The following SLC22A24 variants were observed in gnomAD, a reference collection of about 807,000 sequenced individuals.
SLC22A24 encodes the protein solute carrier family 22 member 24.
Under a neutral mutation model 49.8 loss-of-function variants are expected in SLC22A24, and 53 were observed. The observed-to-expected ratio is 1.06, with a 90% CI of 0.85 to 1.34. SLC22A24 has a LOEUF of 1.34. SLC22A24 is among the 40% of genes most tolerant of loss of function. SLC22A24 has a pLI of 0.00. For missense variants in SLC22A24, 786 were observed against 675.9 expected, an observed-to-expected ratio of 1.16 and a Z score of -1.81; for synonymous variants, 302 against 256.4, an observed-to-expected ratio of 1.18 and a Z score of -1.70.
intron 7 of SLC22A24, 46 bp downstream of exon 7, chr11:63,083,197 G>A (rs1203785985): frequency 3.4e-5 from 50 of 1,464,842 alleles, no homozygotes; most frequent in Non-Finnish European, 4.5e-5. Flanking sequence ...AATCCCTGGA[G>A]AATGGGGGTA....
At chr11:63,130,371 G>A (rs1160013754) in intron 2 of SLC22A24, among the ~76,000 whole-genome samples, 2 of 151,988 alleles carry the variant, frequency 1.3e-5, no homozygotes, top group Admixed American at 6.6e-5. Context: ...TGCTGGATTC[G>A]GTTTGCTAAT....
intron 2 of SLC22A24, among the ~76,000 whole-genome samples, chr11:63,127,654 T>G (rs1374281411): frequency 6.6e-6 from 1 of 152,182 alleles, no homozygotes; most frequent in African/African-American, 2.4e-5. Context: ...TTTCCTGACT[T>G]TTTAATCACT....
chr11:63,101,847 C>G (rs536887139), intron 5 of SLC22A24, among the ~76,000 whole-genome samples: 5 of 152,128 alleles, frequency 3.3e-5, no homozygotes, highest in African/African-American at 1.2e-4. Context: ...GAAAGATGAA[C>G]TTTTCATGTT....
chr11:63,095,349 A>G (rs952598619), intron 6 of SLC22A24, among the ~76,000 whole-genome samples: 6 of 152,184 alleles, frequency 3.9e-5, no homozygotes, highest in African/African-American at 9.6e-5. Flanking sequence ...GAATAGACAG[A>G]TAACTTATGG....
At chr11:63,125,352 C>A (rs2087282723) in intron 2 of SLC22A24, among the ~76,000 whole-genome samples, 1 of 152,082 alleles carries the variant, frequency 6.6e-6, no homozygotes, top group Non-Finnish European at 1.5e-5. Flanking sequence ...GTTCCCCTCC[C>A]TGTGTCCATG....
chr11:63,095,135 A>G (rs1182340046), intron 6 of SLC22A24, among the ~76,000 whole-genome samples: 5 of 152,310 alleles, frequency 3.3e-5, no homozygotes, highest in Non-Finnish European at 7.3e-5. Flanking sequence ...TAAGTCTTTA[A>G]TCCATCTTGA....
At position 63,109,132 on chromosome 11, in the gene SLC22A24, T is replaced by C. The variant is rs181857581; in HGVS notation, c.831-4834A>G. Among the ~76,000 whole-genome samples, 1,414 of 151,170 alleles carry C rather than the reference T, an allele frequency of 9.4e-3. 32 individuals are homozygous for C. The highest frequency in any genetic ancestry group is 0.033 in the African/African-American group (1,344 of 41,240). Reference sequence around the variant, plus strand: ...TGTTCTTGCGATAATTTACTGAGAATGATGATTTCCAGTTTCATCCATGTT... The same window carrying C: ...TGTTCTTGCGATAATTTACTGAGAACGATGATTTCCAGTTTCATCCATGTT... On this transcript the variant is annotated intron_variant, in intron 4 of 9. Coordinates refer to ENST00000612278, the MANE Select transcript of SLC22A24 (RefSeq NM_001136506.2).
intron 5 of SLC22A24, among the ~76,000 whole-genome samples, chr11:63,103,653 C>T (rs992229421): frequency 1.3e-5 from 2 of 152,020 alleles, no homozygotes; most frequent in African/African-American, 2.4e-5. Context: ...ATATTAGTAC[C>T]CCTGATGAAG....
intron 5 of SLC22A24, 149 bp from the exon 6 acceptor site, chr11:63,096,255 A>G: frequency 3.5e-6 from 2 of 572,240 alleles, no homozygotes; most frequent in South Asian, 2.3e-5. Context: ...TAAATAATTC[A>G]TCTCATGTGT....
intron 5 of SLC22A24, 68 bp from the exon 6 acceptor site, chr11:63,096,174 A>G: frequency 3.0e-6 from 3 of 1,005,604 alleles, no homozygotes; most frequent in Non-Finnish European, 4.6e-6. Flanking sequence ...AGTGGTAAGT[A>G]CTAGAGAACA....
At chr11:63,120,598 G>T (rs2087244831) in intron 2 of SLC22A24, among the ~76,000 whole-genome samples, 1 of 152,034 alleles carries the variant, frequency 6.6e-6, no homozygotes, top group African/African-American at 2.4e-5. Flanking sequence ...AAATAGAAAA[G>T]AGCAGTATGT....
chr11:63,116,875 A>G (rs891371444), intron 4 of SLC22A24, among the ~76,000 whole-genome samples: 1 of 152,044 alleles, frequency 6.6e-6, no homozygotes, highest in Non-Finnish European at 1.5e-5. Context: ...CCATCCAATA[A>G]ATTTTCACTT....
chr11:63,092,731 A>G (rs775726790), intron 6 of SLC22A24, among the ~76,000 whole-genome samples: 2 of 151,502 alleles, frequency 1.3e-5, no homozygotes, highest in African/African-American at 2.4e-5. Flanking sequence ...CCCCAAAACC[A>G]TAAAAACTCT....
At chr11:63,116,181 C>T in intron 4 of SLC22A24, 1 of 395,414 alleles carries the variant, frequency 2.5e-6, no homozygotes, top group Non-Finnish European at 4.5e-6. Context: ...CTTCTTTAGG[C>T]CCTTCTTGAT....
intron 1 of SLC22A24, among the ~76,000 whole-genome samples, chr11:63,135,912 A>G (rs2087370821): frequency 6.6e-6 from 1 of 152,174 alleles, no homozygotes; most frequent in Admixed American, 6.5e-5. Flanking sequence ...GGAAGTCAAC[A>G]ATGACCAGTT....
intron 1 of SLC22A24, 24 bp from the exon 2 acceptor site, chr11:63,134,792 A>T (rs749429333): frequency 2.0e-6 from 3 of 1,495,964 alleles, no homozygotes; most frequent in Non-Finnish European, 1.8e-6. Flanking sequence ...AAAGCAGTAC[A>T]GCAGAGCTTG....
chr11:63,105,103 A>T (rs6591739), intron 4 of SLC22A24, among the ~76,000 whole-genome samples: 2 of 152,152 alleles, frequency 1.3e-5, no homozygotes, highest in Admixed American at 6.5e-5. Context: ...CCTTGATTCC[A>T]TGTCTCAAAT....
intron 5 of SLC22A24, among the ~76,000 whole-genome samples, chr11:63,101,993 G>A (rs927723407): frequency 4.6e-5 from 7 of 152,056 alleles, no homozygotes; most frequent in Non-Finnish European, 8.8e-5. Flanking sequence ...CGAAAATATA[G>A]TTAGATAAAT....
chr11:63,092,400 A>T (rs1565324577), intron 6 of SLC22A24, among the ~76,000 whole-genome samples: 2 of 146,096 alleles, frequency 1.4e-5, no homozygotes, highest in South Asian at 2.3e-4. Context: ...AGAAAAAACT[A>T]GTTCAAATTT....
Sources: allele counts gnomAD v4.1 joint callset (sites outside exome capture counted in the v4.1 genomes callset), GRCh38; gene constraint gnomAD v4.1.1; transcripts MANE v1.5; gene names NCBI Gene and HGNC (gene_info 2026-07-23, HGNC 2026-07-21).